TTC8: variants seen among roughly 807,000 people sequenced by gnomAD.
TTC8 encodes tetratricopeptide repeat protein 8.
In TTC8, 47 loss-of-function variants were observed where a neutral mutation model predicts 72.5. The ratio of observed to expected loss-of-function variants is 0.65; its 90% CI spans 0.51 to 0.83. The LOEUF (loss-of-function observed/expected upper bound fraction) is 0.83, where lower values mean the gene tolerates loss of function less well. TTC8 is among the 40% of genes least tolerant of loss of function. The pLI is 0.00. For missense variants in TTC8, 611 were observed against 623.2 expected (o/e 0.98, Z 0.21); for synonymous variants, 199 against 221.4 (o/e 0.90, Z 0.90).
chr14:88,860,637 T>C (rs1158746831), intron 9 of TTC8, among the ~76,000 whole-genome samples: 1 of 152,192 alleles, frequency 6.6e-6, no homozygotes, highest in African/African-American at 2.4e-5. Flanking sequence ...GATTTTCCCT[T>C]GATTCTTTCT....
intron 9 of TTC8, among the ~76,000 whole-genome samples, chr14:88,859,617 G>C (rs2094874216): frequency 6.6e-6 from 1 of 151,600 alleles, no homozygotes; most frequent in African/African-American, 2.4e-5. Flanking sequence ...CATGATATGA[G>C]TTTACCTATA....
At chr14:88,846,177 C>T (rs974108506) in intron 7 of TTC8, among the ~76,000 whole-genome samples, 19 of 151,850 alleles carry the variant, frequency 1.3e-4, no homozygotes, top group African/African-American at 2.2e-4. Flanking sequence ...CATGGTGGCA[C>T]GTGCTTGTAG....
chr14:88,865,537 A>T (rs1470280980), intron 10 of TTC8, among the ~76,000 whole-genome samples: 1 of 152,146 alleles, frequency 6.6e-6, no homozygotes, highest in East Asian at 1.9e-4. Context: ...GCTTGGTGGC[A>T]CATGCCTGTA....
At chr14:88,851,493 C>T (rs796620758) in intron 7 of TTC8, among the ~76,000 whole-genome samples, 61 of 152,128 alleles carry the variant, frequency 4.0e-4, no homozygotes, top group African/African-American at 1.3e-3. Flanking sequence ...AATAGAAGGT[C>T]TGTTTATACA....
intron 13 of TTC8, 74 bp from the exon 14 acceptor site, chr14:88,874,949 CAAA>C (rs10607562): frequency 1.0e-6 from 1 of 999,794 alleles, no homozygotes; most frequent in South Asian, 1.6e-5. Flanking sequence ...ATTCTTTTAC[CAAA>C]AAAAAAACAC....
chr14:88,855,763 CTG>C (rs1014568719), intron 8 of TTC8, among the ~76,000 whole-genome samples: 15 of 152,224 alleles, frequency 9.9e-5, no homozygotes, highest in Non-Finnish European at 1.5e-4. Context: ...AATTTAGTGA[CTG>C]TATTTCAGTC....
intron 10 of TTC8, among the ~76,000 whole-genome samples, chr14:88,862,554 A>C (rs1477640235): frequency 4.7e-5 from 1 of 21,178 alleles, no homozygotes; most frequent in African/African-American, 2.3e-4. Flanking sequence ...ATATATATAT[A>C]TATATATATA....
rs1304562726 is a variant in TTC8, at chr14:88,840,850, C to T, written c.266-15C>T. 6 of 1,613,096 alleles carry T rather than the reference C, an allele frequency of 3.7e-6. No individual in the cohort carries two copies. Among genetic ancestry groups the T allele is most frequent in the Non-Finnish European group, 5.1e-6 (6 of 1,179,238 alleles). The stretch of plus-strand genomic sequence containing the variant: ...TAGATAATATATAAATTGTATTAGC[C>T]ATCTTGTCTCCTAGGCCCTGGAACG... On this transcript the variant is annotated splice_polypyrimidine_tract_variant and intron_variant, in intron 3 of 14. Transcript: ENST00000380656.
At chr14:88,847,131 A>C (rs996081883) in intron 7 of TTC8, among the ~76,000 whole-genome samples, 19 of 152,348 alleles carry the variant, frequency 1.2e-4, no homozygotes, top group African/African-American at 3.8e-4. Context: ...GGTGTGGCGA[A>C]TCTGTTGTTA....
At chr14:88,880,936 A>G (rs1349861265), downstream of TTC8, 2 of 152,244 alleles carry the variant, frequency 1.3e-5, no homozygotes, top group Non-Finnish European at 2.9e-5. Flanking sequence ...AGAGAAAGAT[A>G]CATTTTTAAC....
intron 7 of TTC8, among the ~76,000 whole-genome samples, chr14:88,844,861 T>C (rs1487546718): frequency 6.6e-6 from 1 of 152,148 alleles, no homozygotes; most frequent in African/African-American, 2.4e-5. Context: ...CCCTTAATTG[T>C]GTTTTCTATG....
intron 10 of TTC8, among the ~76,000 whole-genome samples, chr14:88,864,970 T>G (rs1482620741): frequency 3.9e-5 from 6 of 152,220 alleles, no homozygotes; most frequent in Non-Finnish European, 8.8e-5. Context: ...CTCTTCTTTT[T>G]TTTATCTTTC....
chr14:88,838,259 T>C (rs2094762428), intron 2 of TTC8, among the ~76,000 whole-genome samples: 1 of 152,220 alleles, frequency 6.6e-6, no homozygotes, highest in African/African-American at 2.4e-5. Flanking sequence ...CAGTAGGTGA[T>C]GTGTTCAGGG....
In TTC8 at chr14:88,861,229, T is replaced by C. The variant is rs1323099988; in HGVS notation, c.806T>C (p.Val269Ala). 1 of 1,609,816 alleles carries C rather than the reference T, an allele frequency of 6.2e-7. No homozygotes were observed. Among genetic ancestry groups the C allele is most frequent in the Non-Finnish European group, 8.5e-7 (1 of 1,176,816 alleles). Residue 269 changes from valine to alanine, a missense_variant, in exon 10 of 15, where the codon GTC becomes GCC. Coordinates refer to ENST00000380656, the MANE Select transcript of TTC8 (RefSeq NM_144596.4). Reference sequence around the variant, plus strand: ...AATGTATCTTGTTTTTAGGTTTATGTCTCATTGGATCAACCTGTGACTGCT... The same window carrying C: ...AATGTATCTTGTTTTTAGGTTTATGCCTCATTGGATCAACCTGTGACTGCT... ...DTFLYLAKVY[V>A]SLDQPVTALN...
chr14:88,867,728 T>C (rs545569366), intron 10 of TTC8, among the ~76,000 whole-genome samples: 1 of 152,348 alleles, frequency 6.6e-6, no homozygotes, highest in East Asian at 1.9e-4. Context: ...TTAATTTCTG[T>C]GTCCATTAAT....
intron 8 of TTC8, among the ~76,000 whole-genome samples, chr14:88,853,862 C>A (rs2094844643): frequency 6.6e-6 from 1 of 151,964 alleles, no homozygotes; most frequent in Non-Finnish European, 1.5e-5. Flanking sequence ...AAAATAGAAA[C>A]AAATGAACAA....
intron 1 of TTC8, among the ~76,000 whole-genome samples, chr14:88,832,535 C>T (rs981351774): frequency 1.3e-5 from 2 of 152,054 alleles, no homozygotes; most frequent in Non-Finnish European, 2.9e-5. Flanking sequence ...TTCCCTCAAC[C>T]GTTTGTGTGA....
chr14:88,834,641 A>G (rs2094741702), intron 2 of TTC8, among the ~76,000 whole-genome samples: 2 of 152,080 alleles, frequency 1.3e-5, no homozygotes, highest in East Asian at 1.9e-4. Context: ...AAAGGCTGAC[A>G]TTTGTCTTTT....
chr14:88,868,358 CA>C (rs1403474488), intron 10 of TTC8, among the ~76,000 whole-genome samples: 1 of 152,134 alleles, frequency 6.6e-6, no homozygotes, highest in Non-Finnish European at 1.5e-5. Context: ...CTTACATAAA[CA>C]AAACTTCTTC....
Sources: gnomAD v4.1 joint callset for allele counts (sites outside exome capture counted in the v4.1 genomes callset) on GRCh38, gnomAD v4.1.1 for gene constraint, MANE v1.5 for transcripts, NCBI Gene and HGNC (gene_info 2026-07-23, HGNC 2026-07-21) for gene names.